The following MAOA variants were observed in gnomAD, a reference collection of about 807,000 sequenced individuals.
MAOA encodes the protein amine oxidase [flavin-containing] A.
MAOA carries 6 observed loss-of-function variants against 42.0 expected under a neutral mutation model. The observed-to-expected ratio is 0.14, with a 90% CI of 0.08 to 0.28. The LOEUF is 0.28. Ranked by LOEUF, MAOA falls within the 10% of genes least tolerant of loss-of-function variation. MAOA has a pLI of 1.00. For missense variants in MAOA, 262 were observed against 422.3 expected (o/e 0.62, Z 3.33); for synonymous variants, 140 against 154.0 (o/e 0.91, Z 0.67).
intron 1 of MAOA, among the ~76,000 whole-genome samples, chrX:43,660,815 C>T (rs775277158): frequency 8.9e-6 from 1 of 111,771 alleles, no homozygotes; most frequent in South Asian, 3.7e-4. Context: ...TCATGAGCTG[C>T]CACAGATACA....
At chrX:43,661,242 A>G (rs2033231273) in intron 1 of MAOA, among the ~76,000 whole-genome samples, 1 of 111,853 alleles carries the variant, frequency 8.9e-6, no homozygotes. Context: ...AAAGAGATAT[A>G]TAATGATGAG....
At chrX:43,676,879 TTGTC>T (rs1195427726) in intron 1 of MAOA, among the ~76,000 whole-genome samples, 2 of 109,735 alleles carry the variant, frequency 1.8e-5, no homozygotes, top group African/African-American at 6.6e-5. Context: ...ACTATATTGA[TTGTC>T]TGCATTGATG....
At position 43,728,730 on chromosome X, in the gene MAOA, A is replaced by G. The variant is rs187777515; in HGVS notation, c.645+416A>G. Among the ~76,000 whole-genome samples the G allele has an allele frequency of 8.9e-5, 10 of 112,848 alleles. No individual in the cohort carries two copies. In the East Asian group the frequency reaches 1.4e-3, roughly 16 times the overall value. ...GAGTGATTCTTTTATGTTAACTGCT[A>G]CAGAAGGGAAGTGACTGTTCTTCCT... On this transcript the variant is annotated intron_variant, in intron 6 of 14. Coordinates refer to ENST00000338702, the MANE Select transcript of MAOA (RefSeq NM_000240.4).
intron 2 of MAOA, among the ~76,000 whole-genome samples, chrX:43,686,754 G>A (rs2033491232): frequency 9.0e-6 from 1 of 111,560 alleles, no homozygotes; most frequent in African/African-American, 3.3e-5. Flanking sequence ...AGCCGAGATT[G>A]CACCATTGCA....
At chrX:43,725,518 T>C (rs911944708) in intron 5 of MAOA, among the ~76,000 whole-genome samples, 1 of 111,048 alleles carries the variant, frequency 9.0e-6, no homozygotes, top group Non-Finnish European at 1.9e-5. Context: ...GCTTTCCATC[T>C]GGTTGGTAAA....
At chrX:43,674,723 T>C (rs1280181014) in intron 1 of MAOA, among the ~76,000 whole-genome samples, 2 of 111,024 alleles carry the variant, frequency 1.8e-5, no homozygotes, top group African/African-American at 3.3e-5. Context: ...TTTGGCTGGA[T>C]ATGAAATTCT....
chrX:43,693,154 C>T (rs2033549646), intron 2 of MAOA, 137 bp from the exon 3 acceptor site: 1 of 569,190 alleles, frequency 1.8e-6, no homozygotes, highest in Admixed American at 2.8e-5. Flanking sequence ...GAAAGATTGC[C>T]ATTTTCAGTT....
At chrX:43,693,170 T>G in intron 2 of MAOA, 121 bp from the exon 3 acceptor site, 1 of 671,647 alleles carries the variant, frequency 1.5e-6, no homozygotes, top group Non-Finnish European at 2.3e-6. Context: ...CAGTTGCTCT[T>G]TATAGGGGAG....
rs1192374514 is a variant in MAOA, at chrX:43,745,449, T to A, written c.*936T>A. 1 of 112,176 alleles carries A rather than the reference T, an allele frequency of 8.9e-6. No individual in the cohort carries two copies. The highest frequency in any genetic ancestry group is 2.8e-4 in the East Asian group (1 of 3,584). 9.2% of individuals were successfully genotyped at this position (112,176 alleles called of 1,213,427 possible). On this transcript the variant is annotated 3_prime_UTR_variant, in exon 15 of 15. Coordinates refer to ENST00000338702, the MANE Select transcript of MAOA (RefSeq NM_000240.4). ...GCAGCAGTTTTCTTTTAATTTTTCC[T>A]ATGACCATAAAATTAGACATACCTC... is the stretch of plus-strand genomic sequence containing the variant.
intron 12 of MAOA, 111 bp from the exon 13 acceptor site, chrX:43,743,683 A>G: frequency 1.1e-6 from 1 of 947,750 alleles, no homozygotes; most frequent in South Asian, 2.1e-5. Flanking sequence ...GGTGTTTTTT[A>G]AACAGTCTGA....
intron 10 of MAOA, among the ~76,000 whole-genome samples, chrX:43,736,765 T>C (rs977457716): frequency 1.9e-5 from 2 of 102,599 alleles, no homozygotes; most frequent in African/African-American, 7.0e-5. Context: ...AGGACAGTGG[T>C]TTTTTTTTTT....
rs66493247 is a variant in MAOA at position 43,699,354 on chromosome X, A to AT, written c.306+5941dup. 3.5e-3 allele frequency among the ~76,000 whole-genome samples: 318 copies of AT among 91,676 alleles called. 1 individual carries two copies. Among genetic ancestry groups the AT allele is most frequent in the African/African-American group, 9.6e-3 (243 of 25,417 alleles). 79.6% of individuals were successfully genotyped at this position (91,676 alleles called of 115,157 possible). ...AGAAAAAATGAAAATGTTGGATTCCATTTTTTTTTTTTTTTGCTTTCCATG... is the reference window on the plus strand; with the variant it reads ...AGAAAAAATGAAAATGTTGGATTCCATTTTTTTTTTTTTTTTGCTTTCCATG... On this transcript the variant is annotated intron_variant, in intron 3 of 14. Transcript: ENST00000338702.
At chrX:43,706,411 C>G (rs1427204924) in intron 3 of MAOA, among the ~76,000 whole-genome samples, 2 of 111,545 alleles carry the variant, frequency 1.8e-5, no homozygotes, top group East Asian at 2.8e-4. Flanking sequence ...ATTATTGTTT[C>G]TATCTTAACT....
chrX:43,679,050 C>T (rs1008797089), intron 1 of MAOA, among the ~76,000 whole-genome samples: 4 of 111,311 alleles, frequency 3.6e-5, no homozygotes, highest in Admixed American at 1.9e-4. Flanking sequence ...ATTCTAAGAC[C>T]TTTTAGAAAC....
chrX:43,708,520 T>G (rs749091469), intron 3 of MAOA, among the ~76,000 whole-genome samples: 1 of 111,404 alleles, frequency 9.0e-6, no homozygotes, highest in Non-Finnish European at 1.9e-5. Context: ...TCCCCACATA[T>G]GTGCATTTCT....
At chrX:43,744,256 T>A in intron 14 of MAOA, 85 bp downstream of exon 14, 2 of 1,127,781 alleles carry the variant, frequency 1.8e-6, no homozygotes, top group Non-Finnish European at 2.4e-6. Flanking sequence ...TAGCCTCCGA[T>A]TTAATTATAG....
At chrX:43,720,998 T>C (rs1291901489) in intron 5 of MAOA, among the ~76,000 whole-genome samples, 1 of 110,425 alleles carries the variant, frequency 9.1e-6, no homozygotes, top group Non-Finnish European at 1.9e-5. Flanking sequence ...AGGGTGTATG[T>C]TTTGGGGGCA....
intron 1 of MAOA, among the ~76,000 whole-genome samples, chrX:43,676,804 C>A (rs2033402165): frequency 9.3e-6 from 1 of 107,796 alleles, no homozygotes; most frequent in Admixed American, 1.0e-4. Flanking sequence ...TGTGTAGTGC[C>A]AGGTAGTAAT....
intron 1 of MAOA, among the ~76,000 whole-genome samples, chrX:43,671,547 G>A (rs1164447983): frequency 9.2e-6 from 1 of 108,854 alleles, no homozygotes; most frequent in Non-Finnish European, 1.9e-5. Flanking sequence ...TAATGCCTAG[G>A]TTTTCTTCTA....
Sources: allele counts gnomAD v4.1 joint callset (sites outside exome capture counted in the v4.1 genomes callset), GRCh38; gene constraint gnomAD v4.1.1; transcripts MANE v1.5; gene names NCBI Gene and HGNC (gene_info 2026-07-23, HGNC 2026-07-21).